Variants in ACADVL observed in about 807,000 individuals in gnomAD.
The protein encoded by ACADVL is very long-chain acyl-CoA dehydrogenase, mitochondrial.
A neutral mutation model predicts 80.4 loss-of-function variants in ACADVL; 73 were observed. The ratio of observed to expected loss-of-function variants is 0.91; its 90% confidence interval spans 0.75 to 1.10. ACADVL has a LOEUF of 1.10. Ranked by LOEUF, ACADVL falls within the 50% of genes least tolerant of loss-of-function variation. The pLI, the probability that ACADVL is intolerant of heterozygous loss-of-function variation, is 0.00. For missense variants in ACADVL, 878 were observed against 858.9 expected (o/e 1.02, Z -0.28); for synonymous variants, 392 against 326.5 (o/e 1.20, Z -2.16).
chr17:7,224,166 T>C lies in ACADVL; in HGVS notation c.1455T>C (p.Ser485=), dbSNP rs2071363560. 6.2e-7 allele frequency: 1 copy of C among 1,614,158 alleles called. No individual in the cohort carries two copies. The highest frequency in any genetic ancestry group is 1.7e-5 in the Admixed American group (1 of 60,024). ...QGCMDKGKEL[S]GLGSALKNPF... Reference sequence around the variant, plus strand: ...CATAGGACAAAGGAAAGGAGCTCTCTGGGCTTGGCAGTGCTCTAAAGAATC... The same window carrying C: ...CATAGGACAAAGGAAAGGAGCTCTCCGGGCTTGGCAGTGCTCTAAAGAATC... Residue 485 remains serine (S), a synonymous_variant, in exon 15 of 20, where the codon TCT becomes TCC. Coordinates refer to ENST00000356839, the MANE Select transcript of ACADVL (RefSeq NM_000018.4).
upstream of ACADVL, chr17:7,218,436 A>G (rs1597510348): frequency 7.2e-7 from 1 of 1,392,956 alleles, no homozygotes; most frequent in African/African-American, 1.4e-5. Flanking sequence ...AGGACCCTGC[A>G]TGGTGCTCCA....
chr17:7,222,492 T>G (rs950463008), intron 9 of ACADVL, 175 bp from the exon 10 acceptor site: 15 of 1,145,586 alleles, frequency 1.3e-5, no homozygotes, highest in Non-Finnish European at 1.6e-5. Flanking sequence ...CAACACAAAA[T>G]AGGACATAGC....
rs757049416 is a variant in ACADVL, at chr17:7,224,047, T to C, written c.1412T>C (p.Phe471Ser). The change falls in exon 14 of 20, where the codon TTT becomes TCT. Residue 471 changes from phenylalanine to serine, a missense_variant. Phe to Ser is a radical substitution (Grantham distance 155). Transcript: ENST00000356839. ...GGGACAAATGACATTCTTCGGCTGT[T>C]TGTGGCTCTGCAGGGCTGTATGGTA... ...FEGTNDILRL[F>S]VALQGCMDKG... 1.9e-6 allele frequency: 3 copies of C among 1,614,142 alleles called. No individual in the cohort carries two copies. Among genetic ancestry groups the C allele is most frequent in the Non-Finnish European group, 2.5e-6 (3 of 1,180,006 alleles).
At chr17:7,221,401 GGGGATGGCCCAGGTCAGGCACTGCCCTA>G in intron 6 of ACADVL, 109 bp from the exon 7 acceptor site, 1 of 1,434,646 alleles carries the variant, frequency 7.0e-7, no homozygotes, top group Non-Finnish European at 9.8e-7. Context: ...TCTACACACT[GGGGATGGCCCAGGTCAGGCACTGCCCTA>G]GGTCAGGAAC....
upstream of ACADVL, chr17:7,217,610 G>A (rs1341921963): frequency 2.1e-6 from 3 of 1,427,996 alleles, no homozygotes; most frequent in East Asian, 5.4e-5. Flanking sequence ...AGCCGAAGAG[G>A]GAAGGGGAGA....
At chr17:7,223,591 C>A (rs773714561) in intron 11 of ACADVL, 53 bp from the exon 12 acceptor site, 11 of 1,598,232 alleles carry the variant, frequency 6.9e-6, no homozygotes, top group Non-Finnish European at 9.4e-6. Flanking sequence ...GAGGCCAAGT[C>A]TGACAAAGCC....
intron 11 of ACADVL, 170 bp from the exon 12 acceptor site, chr17:7,223,474 C>A: frequency 1.2e-6 from 1 of 859,478 alleles, no homozygotes; most frequent in Non-Finnish European, 2.0e-6. Flanking sequence ...TACATCCACC[C>A]CTTTTAAGAA....
intron 7 of ACADVL, 126 bp downstream of exon 7, chr17:7,221,808 C>T (rs1319987240): frequency 3.2e-6 from 5 of 1,586,440 alleles, no homozygotes; most frequent in Non-Finnish European, 4.3e-6. Context: ...GGGGAGGCAT[C>T]ACAGTGTGCT....
intron 9 of ACADVL, 42 bp downstream of exon 9, chr17:7,222,344 G>A (rs1043186637): frequency 8.7e-6 from 14 of 1,605,314 alleles, no homozygotes; most frequent in Non-Finnish European, 1.1e-5. Context: ...CTGAGGGGCA[G>A]GACTGGGCTC....
chr17:7,220,414 G>C (rs773109868), intron 2 of ACADVL, 50 bp from the exon 3 acceptor site: 2 of 1,611,758 alleles, frequency 1.2e-6, no homozygotes, highest in Middle Eastern at 3.3e-4. Flanking sequence ...TTCTCCCCTT[G>C]ACACAGCGGA....
rs770247114 is a variant in ACADVL, at chr17:7,220,952, C to T, written c.371C>T (p.Ala124Val). ...EEVNDPAKND[A>V]LEMVEETTWQ... is the part of the protein sequence containing the mutation. ...GTGAACGATCCCGCCAAGAATGACGCTCTGGAGATGGTGGAGGAGACCACT... is the reference window on the plus strand; with the variant it reads ...GTGAACGATCCCGCCAAGAATGACGTTCTGGAGATGGTGGAGGAGACCACT... Residue 124 changes from alanine (A) to valine (V), a missense_variant, in exon 6 of 20, where the codon GCT becomes GTT. Physicochemically the swap from Ala to Val is moderately conservative, Grantham distance 64. Coordinates refer to ENST00000356839, the MANE Select transcript of ACADVL (RefSeq NM_000018.4). 2 of 1,614,120 alleles carry T rather than the reference C, an allele frequency of 1.2e-6. No individual in the cohort carries two copies. The highest frequency in any genetic ancestry group is 1.7e-6 in the Non-Finnish European group (2 of 1,180,032).
Position 7,223,640 on chromosome 17 carries a change from T to G in ACADVL, c.1183-4T>G. 1 of 1,614,028 alleles carries G rather than the reference T, an allele frequency of 6.2e-7. No individual in the cohort carries two copies. The highest frequency in any genetic ancestry group is 8.5e-7 in the Non-Finnish European group (1 of 1,179,974). On this transcript the variant is annotated splice_region_variant and splice_polypyrimidine_tract_variant and intron_variant, in intron 11 of 19. Transcript: ENST00000356839. The stretch of plus-strand genomic sequence containing the variant: ...CTTCCCATGTCCCAACTATGCAACC[T>G]CAGTCCATGGCTTACATGGTGAGTG...
chr17:7,222,242 G>T lies in ACADVL; in HGVS notation c.818G>T (p.Gly273Val), dbSNP rs150149784. The change falls in exon 9 of 20, where the codon GGA becomes GTA. Residue 273 changes from glycine to valine, a missense_variant. Coordinates refer to ENST00000356839, the MANE Select transcript of ACADVL (RefSeq NM_000018.4). ...AKTPVTDPATGAVKEKITAFV... is the reference protein window; with the variant it reads ...AKTPVTDPATVAVKEKITAFV... ...ACACCAGTTACAGATCCAGCCACAG[G>T]AGCCGTGAAGGAGAAGATCACAGCT... 6.2e-7 allele frequency: 1 copy of T among 1,614,116 alleles called. No individual in the cohort carries two copies. The highest frequency in any genetic ancestry group is 2.2e-5 in the East Asian group (1 of 44,878).
rs2071286148 is a variant in ACADVL at position 7,222,657 on chromosome 17, C to A, written c.879-10C>A. The A allele has an allele frequency of 6.2e-7, 1 of 1,611,858 alleles. No homozygotes were observed. Among genetic ancestry groups the A allele is most frequent in the Non-Finnish European group, 8.5e-7 (1 of 1,178,848 alleles). On this transcript the variant is annotated splice_polypyrimidine_tract_variant and intron_variant, in intron 9 of 19. Transcript: ENST00000356839. ...ACACACCTCTGCTTTCCCACACTGC[C>A]CTGACACAGTGGGCCCCCTGAGAAG... is the stretch of plus-strand genomic sequence containing the variant.
At chr17:7,220,714 G>A in intron 4 of ACADVL, 38 bp downstream of exon 4, 1 of 1,614,056 alleles carries the variant, frequency 6.2e-7, no homozygotes, top group East Asian at 2.2e-5. Flanking sequence ...TGGGGCCAGG[G>A]TGGTTTCCCC....
At chr17:7,218,452 G>A, upstream of ACADVL, 2 of 1,436,646 alleles carry the variant, frequency 1.4e-6, no homozygotes, top group East Asian at 5.0e-5. Context: ...CTCCAGCTTG[G>A]ACCAAATGAT....
chr17:7,222,298 A>T lies in ACADVL; in HGVS notation c.874A>T (p.Thr292Ser). ...FVVERGFGGI[T>S]HGPPEKKMGI... Reference sequence around the variant, plus strand: ...GGTGGAGAGGGGCTTCGGGGGCATTACCCAGTGAGTGAATTTGGGTTGGGG... The same window carrying T: ...GGTGGAGAGGGGCTTCGGGGGCATTTCCCAGTGAGTGAATTTGGGTTGGGG... Residue 292 changes from threonine (T) to serine (S), a missense_variant, in exon 9 of 20, where the codon ACC (threonine) becomes TCC (serine). Physicochemically the swap from Thr to Ser is moderately conservative, Grantham distance 58. Coordinates refer to ENST00000356839, the MANE Select transcript of ACADVL (RefSeq NM_000018.4). 6.2e-7 allele frequency: 1 copy of T among 1,613,756 alleles called. No homozygotes were observed. The highest frequency in any genetic ancestry group is 8.5e-7 in the Non-Finnish European group (1 of 1,179,868).
In ACADVL at chr17:7,224,083, T is replaced by C. The variant is rs202217537; in HGVS notation, c.1434+14T>C. On this transcript the variant is annotated intron_variant, in intron 14 of 19. Coordinates refer to ENST00000356839, the MANE Select transcript of ACADVL (RefSeq NM_000018.4). ...CAGGGCTGTATGGTAAGACAGAGAATTGGGTGGGGGTAGAGGTGGGGAGGA... is the reference window on the plus strand; with the variant it reads ...CAGGGCTGTATGGTAAGACAGAGAACTGGGTGGGGGTAGAGGTGGGGAGGA... The C allele has an allele frequency of 7.1e-5, 114 of 1,613,696 alleles. No individual in the cohort carries two copies. Among genetic ancestry groups the C allele is most frequent in the Non-Finnish European group, 9.4e-5 (111 of 1,179,914 alleles).
At chr17:7,223,260 T>C (rs2071318086) in intron 11 of ACADVL, 23 bp downstream of exon 11, 3 of 1,589,738 alleles carry the variant, frequency 1.9e-6, no homozygotes, top group Admixed American at 1.7e-5. Flanking sequence ...CAAGCCCCTC[T>C]CCCTGGAGCC....
Sources: gnomAD v4.1 joint callset for allele counts on GRCh38, gnomAD v4.1.1 for gene constraint, MANE v1.5 for transcripts, NCBI Gene and HGNC (gene_info 2026-07-23, HGNC 2026-07-21) for gene names.